Variants in AFG3L2 observed in about 807,000 individuals in gnomAD.
The protein encoded by AFG3L2 is AFG3 like matrix AAA peptidase subunit 2, also known as mitochondrial inner membrane m-AAA protease component AFG3L2.
AFG3L2 carries 54 observed loss-of-function variants against 94.5 expected under a neutral mutation model. The observed-to-expected ratio is 0.57, with a 90% CI of 0.46 to 0.72. The LOEUF (loss-of-function observed/expected upper bound fraction) is 0.72. Among genes scored for constraint, AFG3L2 ranks in the 30% least tolerant of loss-of-function variants. The probability of loss-of-function intolerance (pLI) is 0.00; values close to 1 mark genes in which losing one functional copy is unlikely to be tolerated. For synonymous variants in AFG3L2, 377 were observed against 365.5 expected, an observed-to-expected ratio of 1.03 and a Z score of -0.36; for missense variants, 754 against 994.9, an observed-to-expected ratio of 0.76 and a Z score of 3.26.
In AFG3L2 at chr18:12,333,295, AAT is replaced by A. The variant is rs1397442645; in HGVS notation, c.2176-3514_2176-3513del. Among the ~76,000 whole-genome samples, 42 of 130,808 alleles carry A rather than the reference AAT, an allele frequency of 3.2e-4. 1 individual carries two copies. The highest frequency in any genetic ancestry group is 1.2e-3 in the African/African-American group (40 of 34,692). The allele number at this position is 130,808 out of a possible 152,430, so 85.8% of individuals were successfully genotyped here. A position where few individuals can be genotyped will look rare whatever the true frequency, so the allele number is the denominator to read the frequency against. ...AAATATAGATTATATATAATATATA[AAT>A]ATATATTATATATTATAAATATATA... On this transcript the variant is annotated intron_variant, in intron 16 of 16. Transcript: ENST00000269143.
chr18:12,344,175 G>T lies in AFG3L2; in HGVS notation c.1736C>A (p.Ala579Glu). The T allele has an allele frequency of 6.2e-7, 1 of 1,613,986 alleles. No homozygotes were observed. Residue 579 changes from alanine to glutamate, a missense_variant, in exon 14 of 17, where the codon GCG (alanine) becomes GAG (glutamate). Physicochemically the swap from Ala to Glu is moderately radical, Grantham distance 107. Coordinates refer to ENST00000269143, the MANE Select transcript of AFG3L2 (RefSeq NM_006796.3). ...KTVAYHEAGH[A>E]VAGWYLEHAD... ...GTGCTCCAGATACCAGCCGGCAACCGCATGGCCTGCTTCGTGGTATGCCAC... is the reference window on the plus strand; with the variant it reads ...GTGCTCCAGATACCAGCCGGCAACCTCATGGCCTGCTTCGTGGTATGCCAC...
At chr18:12,364,638 CT>C (rs546637135) in intron 5 of AFG3L2, among the ~76,000 whole-genome samples, 1 of 151,870 alleles carries the variant, frequency 6.6e-6, no homozygotes, top group African/African-American at 2.4e-5. Context: ...ATAGTTTAAG[CT>C]TTTTTTTAAA....
At chr18:12,352,536 G>A (rs1033708306) in intron 10 of AFG3L2, among the ~76,000 whole-genome samples, 3 of 152,148 alleles carry the variant, frequency 2.0e-5, no homozygotes, top group South Asian at 2.1e-4. Flanking sequence ...TTCACACTTG[G>A]TTAGGCTTAG....
intron 10 of AFG3L2, 136 bp from the exon 11 acceptor site, chr18:12,351,549 GT>G (rs34791958): frequency 0.036 from 21,151 of 591,638 alleles, no homozygotes; most frequent in Middle Eastern, 0.049. Flanking sequence ...AGTGTTTTTT[GT>G]TTTTTTTTTT....
intron 16 of AFG3L2, among the ~76,000 whole-genome samples, chr18:12,335,677 C>T (rs1209266980): frequency 6.6e-6 from 1 of 152,204 alleles, no homozygotes; most frequent in Non-Finnish European, 1.5e-5. Flanking sequence ...TGCCCCCGGG[C>T]TCCACGCCGC....
At chr18:12,375,015 C>T (rs1333187442) in intron 1 of AFG3L2, among the ~76,000 whole-genome samples, 1 of 149,110 alleles carries the variant, frequency 6.7e-6, no homozygotes, top group African/African-American at 2.5e-5. Context: ...AAAATCACAC[C>T]ACTGCACTCC....
At chr18:12,371,516 G>T in intron 2 of AFG3L2, 76 bp downstream of exon 2, 1 of 1,153,268 alleles carries the variant, frequency 8.7e-7, no homozygotes, top group Non-Finnish European at 1.3e-6. Context: ...GTTGGAGGCA[G>T]GGGAATGGGT....
chr18:12,363,706 G>A (rs1454406341), intron 6 of AFG3L2, 76 bp downstream of exon 6: 6 of 1,166,382 alleles, frequency 5.1e-6, no homozygotes, highest in Admixed American at 1.7e-5. Context: ...AGAGTATGAG[G>A]CAGGTTTTCC....
chr18:12,363,872 T>C lies in AFG3L2; in HGVS notation c.553-16A>G. On this transcript the variant is annotated splice_polypyrimidine_tract_variant and intron_variant, in intron 5 of 16. Coordinates refer to ENST00000269143, the MANE Select transcript of AFG3L2 (RefSeq NM_006796.3). ...ATCTGTCTACCTAGAATTTTAAAAA[T>C]AAATTCACACATAAATTCACAGAAA... The C allele has an allele frequency of 1.3e-6, 2 of 1,582,976 alleles. No homozygotes were observed. The highest frequency in any genetic ancestry group is 1.1e-5 in the South Asian group (1 of 90,424).
intron 16 of AFG3L2, among the ~76,000 whole-genome samples, chr18:12,333,146 A>G (rs1907624740): frequency 1.5e-5 from 1 of 67,178 alleles, no homozygotes; most frequent in African/African-American, 5.1e-5. Flanking sequence ...TATATATAAT[A>G]TATAATAATC....
At chr18:12,359,013 T>C (rs1908579439) in intron 7 of AFG3L2, 70 bp from the exon 8 acceptor site, 1 of 1,549,840 alleles carries the variant, frequency 6.5e-7, no homozygotes, top group Admixed American at 2.0e-5. Context: ...TGGTGCAAGA[T>C]ATCAATATAA....
intron 9 of AFG3L2, among the ~76,000 whole-genome samples, chr18:12,356,276 G>A (rs1046303281): frequency 9.2e-5 from 14 of 151,758 alleles, no homozygotes; most frequent in African/African-American, 2.7e-4. Flanking sequence ...CTCAGCCTCC[G>A]AAATAGCTGG....
chr18:12,376,898 C>T, intron 1 of AFG3L2, 71 bp downstream of exon 1: 4 of 1,199,558 alleles, frequency 3.3e-6, no homozygotes, highest in East Asian at 3.3e-5. Context: ...GTGACCTTGA[C>T]GTCCGCTCTC....
chr18:12,351,820 T>C (rs1908327945), intron 10 of AFG3L2, among the ~76,000 whole-genome samples: 1 of 152,222 alleles, frequency 6.6e-6, no homozygotes, highest in Non-Finnish European at 1.5e-5. Context: ...GTGCTGGGAT[T>C]ACAGGCGTGA....
At chr18:12,359,860 G>C in intron 7 of AFG3L2, 67 bp downstream of exon 7, 1 of 1,599,068 alleles carries the variant, frequency 6.3e-7, no homozygotes, top group South Asian at 1.1e-5. Flanking sequence ...CCTGCACCCA[G>C]GGACAGAACA....
intron 13 of AFG3L2, among the ~76,000 whole-genome samples, chr18:12,345,003 A>G (rs1404354292): frequency 2.0e-5 from 3 of 152,256 alleles, no homozygotes; most frequent in Non-Finnish European, 4.4e-5. Context: ...GCACGCGAAG[A>G]TGGCTGCCAT....
intron 16 of AFG3L2, among the ~76,000 whole-genome samples, chr18:12,335,397 T>C (rs1332942817): frequency 6.6e-6 from 1 of 152,086 alleles, no homozygotes; most frequent in Non-Finnish European, 1.5e-5. Flanking sequence ...TGGGCAAAAA[T>C]CAAGAATGCG....
At position 12,359,695 on chromosome 18, in the gene AFG3L2, T is replaced by C. The variant is rs144707944; in HGVS notation, c.752+232A>G. On this transcript the variant is annotated intron_variant, in intron 7 of 16. Coordinates refer to ENST00000269143, the MANE Select transcript of AFG3L2 (RefSeq NM_006796.3). ...GGACAAAGGTTGCAGTGAGTCAAGA[T>C]CATACGACTGCACTACAGCCTGGGC... is the stretch of plus-strand genomic sequence containing the variant. Among the ~76,000 whole-genome samples the C allele has an allele frequency of 9.6e-4, 146 of 151,806 alleles. 1 individual carries two copies. The highest frequency in any genetic ancestry group is 3.4e-3 in the African/African-American group (142 of 41,362).
Position 12,329,536 on chromosome 18 carries a change from A to G in AFG3L2, c.*29T>C, listed in dbSNP as rs1907446304. ...AATGCACCAGCTGAAACCACAGTGG[A>G]CAGACTGAGATGGCCTCCCTCTGGG... On this transcript the variant is annotated 3_prime_UTR_variant, in exon 17 of 17. Coordinates refer to ENST00000269143, the MANE Select transcript of AFG3L2 (RefSeq NM_006796.3). The G allele has an allele frequency of 6.2e-7, 1 of 1,600,116 alleles. No individual in the cohort carries two copies. The highest frequency in any genetic ancestry group is 1.1e-5 in the South Asian group (1 of 90,802).
Sources: gnomAD v4.1 joint callset for allele counts (sites outside exome capture counted in the v4.1 genomes callset) on GRCh38, gnomAD v4.1.1 for gene constraint, MANE v1.5 for transcripts, NCBI Gene and HGNC (gene_info 2026-07-23, HGNC 2026-07-21) for gene names.